Variants in TANC1 observed in about 807,000 individuals in gnomAD.
The protein encoded by TANC1 is tetratricopeptide repeat, ankyrin repeat and coiled-coil containing 1, also known as protein TANC1.
In TANC1, 77 loss-of-function variants were observed where a neutral mutation model predicts 149.7. The observed-to-expected ratio is 0.51, with a 90% CI of 0.43 to 0.62. The LOEUF is 0.62. Ranked by LOEUF, TANC1 falls within the 20% of genes least tolerant of loss-of-function variation. TANC1 has a pLI of 0.00. For missense variants in TANC1, 1,985 were observed against 2,321.8 expected, an observed-to-expected ratio of 0.85 and a Z score of 2.98; for synonymous variants, 854 against 925.0, an observed-to-expected ratio of 0.92 and a Z score of 1.39.
In TANC1 at chr2:159,056,221, A is replaced by G. The variant is rs372173331; in HGVS notation, c.-15-9675A>G. 380 of 232,944 alleles carry G rather than the reference A, an allele frequency of 1.6e-3. 10 individuals are homozygous for G. In the South Asian group the frequency reaches 0.024, roughly 15 times the overall value. 14.4% of individuals were successfully genotyped at this position (232,944 alleles called of 1,614,324 possible). On this transcript the variant is annotated intron_variant, in intron 2 of 26. Coordinates refer to ENST00000263635, the MANE Select transcript of TANC1 (RefSeq NM_033394.3). ...TGAGCTTTCCCCTGCAAACCATGAG[A>G]ATTTCTCCCAGGAACATGGAGAATT...
chr2:159,186,017 A>G, intron 15 of TANC1, 118 bp downstream of exon 15: 3 of 703,792 alleles, frequency 4.3e-6, no homozygotes, highest in Non-Finnish European at 7.4e-6. Context: ...CTCAGCCCAA[A>G]TGCAACCTCC....
chr2:159,120,025 G>A (rs35809310), intron 4 of TANC1, among the ~76,000 whole-genome samples: 15,069 of 152,202 alleles, frequency 0.099, 1,049 homozygotes, highest in Middle Eastern at 0.18. Flanking sequence ...GCCTGTTGTG[G>A]GATTGTTAGA....
At chr2:159,168,299 A>ATTTTTT (rs35670582) in intron 8 of TANC1, among the ~76,000 whole-genome samples, 10 of 130,366 alleles carry the variant, frequency 7.7e-5, no homozygotes, top group Non-Finnish European at 1.4e-4. Flanking sequence ...TAGATCTTTA[A>ATTTTTT]TTTTTTTTTT....
At chr2:158,994,344 A>G (rs1325907092) in intron 1 of TANC1, among the ~76,000 whole-genome samples, 2 of 152,164 alleles carry the variant, frequency 1.3e-5, no homozygotes, top group African/African-American at 4.8e-5. Flanking sequence ...TGCATAGCTC[A>G]CTGCAGCCTC....
intron 3 of TANC1, among the ~76,000 whole-genome samples, chr2:159,073,489 T>C (rs2149739360): frequency 6.6e-6 from 1 of 152,200 alleles, no homozygotes; most frequent in East Asian, 1.9e-4. Context: ...TCATAAAGCA[T>C]GTGATAAAAC....
intron 8 of TANC1, among the ~76,000 whole-genome samples, chr2:159,168,429 A>G (rs2054838658): frequency 6.6e-6 from 1 of 150,650 alleles, no homozygotes; most frequent in Admixed American, 6.6e-5. Flanking sequence ...CCTCCCAAGT[A>G]GCTGGGATTT....
rs760918859 is a variant in TANC1, at chr2:159,219,698, C to G, written c.3509C>G (p.Ala1170Gly). Residue 1170 changes from alanine (A) to glycine (G), a missense_variant, in exon 22 of 27, where the codon GCC becomes GGC. Ala to Gly is a moderately conservative substitution (Grantham distance 60). Transcript: ENST00000263635. ...GAATGGGCTTTCCTTTCAGGTGCAG[C>G]CCTTTCTTCTCTAGACAAAGAGGGT... is the stretch of plus-strand genomic sequence containing the variant. ...TVEFLLSKGAALSSLDKEGLS... is the reference protein window; with the variant it reads ...TVEFLLSKGAGLSSLDKEGLS... The G allele has an allele frequency of 2.6e-5, 42 of 1,614,040 alleles. No homozygotes were observed. The highest frequency in any genetic ancestry group is 3.4e-5 in the Non-Finnish European group (40 of 1,180,032).
At chr2:159,196,538 A>G in intron 17 of TANC1, 70 bp from the exon 18 acceptor site, 2 of 1,356,372 alleles carry the variant, frequency 1.5e-6, no homozygotes, top group Non-Finnish European at 2.0e-6. Context: ...GCACACAGCT[A>G]GGTGGTGCAT....
At chr2:159,043,334 T>C (rs2040802044) in intron 2 of TANC1, among the ~76,000 whole-genome samples, 1 of 151,922 alleles carries the variant, frequency 6.6e-6, no homozygotes, top group African/African-American at 2.4e-5. Context: ...CATCCCTGAG[T>C]GAGGGAGACA....
chr2:159,183,750 T>G (rs2056715153), intron 14 of TANC1, among the ~76,000 whole-genome samples: 1 of 151,926 alleles, frequency 6.6e-6, no homozygotes, highest in South Asian at 2.1e-4. Context: ...CACTGAGAGA[T>G]AGTGTGGAGA....
intron 13 of TANC1, among the ~76,000 whole-genome samples, chr2:159,177,298 G>T (rs2055974990): frequency 6.6e-6 from 1 of 152,058 alleles, no homozygotes; most frequent in Non-Finnish European, 1.5e-5. Flanking sequence ...GAGGGGTAGG[G>T]TGATTTTTTT....
chr2:159,008,315 G>A (rs577724079), intron 2 of TANC1, among the ~76,000 whole-genome samples: 1 of 152,184 alleles, frequency 6.6e-6, no homozygotes, highest in South Asian at 2.1e-4. Context: ...TATCACAGCT[G>A]TGCCCTATTG....
intron 4 of TANC1, among the ~76,000 whole-genome samples, chr2:159,128,926 G>A (rs995092588): frequency 6.6e-6 from 1 of 152,064 alleles, no homozygotes; most frequent in Non-Finnish European, 1.5e-5. Context: ...AGTGATAAAG[G>A]TTCCCCCTGC....
chr2:159,127,313 G>A (rs2049557524), intron 4 of TANC1, among the ~76,000 whole-genome samples: 1 of 152,188 alleles, frequency 6.6e-6, no homozygotes, highest in Admixed American at 6.5e-5. Flanking sequence ...CCAAGAAACA[G>A]ATGCTCGTGA....
At chr2:158,988,351 T>C (rs941662174) in intron 1 of TANC1, among the ~76,000 whole-genome samples, 1 of 146,016 alleles carries the variant, frequency 6.8e-6, no homozygotes, top group Non-Finnish European at 1.5e-5. Context: ...AAAGAAAAAG[T>C]GTTTTCGTTT....
intron 2 of TANC1, among the ~76,000 whole-genome samples, chr2:159,036,583 C>A (rs2040211142): frequency 1.3e-5 from 2 of 151,878 alleles, no homozygotes; most frequent in Non-Finnish European, 2.9e-5. Context: ...TTGTTCAATT[C>A]CCGCCTATGA....
chr2:159,224,144 G>A (rs2059874207), intron 22 of TANC1, 88 bp from the exon 23 acceptor site: 2 of 1,485,758 alleles, frequency 1.3e-6, no homozygotes, highest in East Asian at 2.3e-5. Flanking sequence ...TAAAATCAGA[G>A]TGAAGCTAAG....
rs2059769254 is a variant in TANC1 at position 159,222,499 on chromosome 2, C to A, written c.3679-1733C>A. Among the ~76,000 whole-genome samples, 3 of 152,320 alleles carry A rather than the reference C, an allele frequency of 2.0e-5. No homozygotes were observed. In the Middle Eastern group the frequency reaches 0.01, roughly 518 times the overall value. The stretch of plus-strand genomic sequence containing the variant: ...TCATATAGTATTTGTCTCATTGTGA[C>A]TGGCTTATTTCACATAGCATAATGT... On this transcript the variant is annotated intron_variant, in intron 22 of 26. Coordinates refer to ENST00000263635, the MANE Select transcript of TANC1 (RefSeq NM_033394.3).
intron 7 of TANC1, among the ~76,000 whole-genome samples, chr2:159,152,450 T>C (rs1182216780): frequency 2.0e-5 from 3 of 151,764 alleles, no homozygotes; most frequent in African/African-American, 7.3e-5. Context: ...TACATGCCTT[T>C]GATTATAACC....
Sources: gnomAD v4.1 joint callset for allele counts (sites outside exome capture counted in the v4.1 genomes callset) on GRCh38, gnomAD v4.1.1 for gene constraint, MANE v1.5 for transcripts, NCBI Gene and HGNC (gene_info 2026-07-23, HGNC 2026-07-21) for gene names.